Variants in LPIN1 observed in about 807,000 individuals in gnomAD.
The protein encoded by LPIN1 is phosphatidate phosphatase LPIN1.
A neutral mutation model predicts 107.5 loss-of-function variants in LPIN1; 71 were observed. The ratio of observed to expected loss-of-function variants is 0.66; its 90% confidence interval spans 0.55 to 0.80. LPIN1 has a LOEUF of 0.80. Among genes scored for constraint, LPIN1 ranks in the 30% least tolerant of loss-of-function variants. LPIN1 has a pLI of 0.00. For synonymous variants in LPIN1, 445 were observed against 452.6 expected (o/e 0.98, Z 0.21); for missense variants, 1,043 against 1,160.6 (o/e 0.90, Z 1.47).
At chr2:11,747,932 C>A (rs1667208796) in intron 1 of LPIN1, among the ~76,000 whole-genome samples, 1 of 152,212 alleles carries the variant, frequency 6.6e-6, no homozygotes, top group Non-Finnish European at 1.5e-5. Flanking sequence ...TAGCCCTGGA[C>A]TCGGGTCGGG....
At chr2:11,718,274 C>A (rs1299138385) in intron 2 of LPIN1, among the ~76,000 whole-genome samples, 1 of 152,164 alleles carries the variant, frequency 6.6e-6, no homozygotes, top group Non-Finnish European at 1.5e-5. Flanking sequence ...GTCGCCCAGG[C>A]TGGAGTGCAG....
chr2:11,751,227 C>T (rs1013056599), intron 1 of LPIN1, among the ~76,000 whole-genome samples: 1 of 152,150 alleles, frequency 6.6e-6, no homozygotes, highest in African/African-American at 2.4e-5. Context: ...ACTCATCTGA[C>T]CTTCCCTCCA....
At chr2:11,764,119 C>CAT (rs1398524726) in intron 1 of LPIN1, 1 of 144,330 alleles carries the variant, frequency 6.9e-6, no homozygotes, top group Non-Finnish European at 1.5e-5. Context: ...CACACACACA[C>CAT]AACGACTAAA....
intron 1 of LPIN1, among the ~76,000 whole-genome samples, chr2:11,686,326 G>A (rs1661999677): frequency 6.6e-6 from 1 of 152,180 alleles, no homozygotes; most frequent in African/African-American, 2.4e-5. Flanking sequence ...CCTGCCCAGC[G>A]TGGGTGGGAT....
chr2:11,726,298 G>C (rs1020831328), intron 1 of LPIN1, among the ~76,000 whole-genome samples: 1 of 152,184 alleles, frequency 6.6e-6, no homozygotes, highest in African/African-American at 2.4e-5. Context: ...TCCTTAGGCT[G>C]CCATCTGAGG....
chr2:11,808,650 G>T (rs1240011656), intron 17 of LPIN1, among the ~76,000 whole-genome samples: 1 of 152,066 alleles, frequency 6.6e-6, no homozygotes, highest in Non-Finnish European at 1.5e-5. Context: ...GAGGCAGGTG[G>T]ATCACTTGAG....
Position 11,824,682 on chromosome 2 carries a change from G to C in LPIN1, c.2672G>C (p.Arg891Thr). The change falls in exon 21 of 21, where the codon AGA becomes ACA. Residue 891 changes from arginine (R) to threonine (T), a missense_variant. By Grantham distance (71) the Arg-to-Thr change is moderately conservative. Coordinates refer to ENST00000674199, the MANE Select transcript of LPIN1 (RefSeq NM_001349206.2). ...VVDHVFPLLK[R>T]SHSSDFPCSD... is the part of the protein sequence containing the mutation. ...GACCACGTTTTCCCGTTGCTGAAAAGAAGCCATTCTTCAGACTTTCCCTGT... is the reference window on the plus strand; with the variant it reads ...GACCACGTTTTCCCGTTGCTGAAAACAAGCCATTCTTCAGACTTTCCCTGT... 1 of 1,614,096 alleles carries C rather than the reference G, an allele frequency of 6.2e-7. No homozygotes were observed. The highest frequency in any genetic ancestry group is 1.1e-5 in the South Asian group (1 of 91,080).
At chr2:11,705,602 G>A (rs1663086374) in intron 1 of LPIN1, among the ~76,000 whole-genome samples, 1 of 152,134 alleles carries the variant, frequency 6.6e-6, no homozygotes, top group Non-Finnish European at 1.5e-5. Context: ...GCGTGTCTCG[G>A]ACAGGGAGAG....
At chr2:11,778,747 C>CT (rs1237980396) in intron 6 of LPIN1, among the ~76,000 whole-genome samples, 2 of 152,296 alleles carry the variant, frequency 1.3e-5, no homozygotes, top group African/African-American at 2.4e-5. Context: ...TAATATTTCT[C>CT]TAAGTTGTTT....
intron 2 of LPIN1, among the ~76,000 whole-genome samples, chr2:11,718,515 G>A (rs1391653565): frequency 2.0e-5 from 3 of 152,174 alleles, no homozygotes; most frequent in East Asian, 3.8e-4. Context: ...ACAGGTGTGT[G>A]GAGATATACT....
chr2:11,819,714 A>T lies in LPIN1; in HGVS notation c.2517+116A>T, dbSNP rs1010542285. On this transcript the variant is annotated intron_variant, in intron 19 of 20. Coordinates refer to ENST00000674199, the MANE Select transcript of LPIN1 (RefSeq NM_001349206.2). ...AGAGTCAGATTCTCATCCCAGAAGC[A>T]GTAGCCTGGTGAAGAGCCACTTGCC... 1.7e-5 allele frequency: 14 copies of T among 833,818 alleles called. No homozygotes were observed. The African/African-American group carries it at 1.8e-4, about 11-fold the overall frequency. The allele number at this position is 833,818 out of a possible 1,614,324, so 51.7% of individuals were successfully genotyped here.
intron 1 of LPIN1, chr2:11,683,195 T>C (rs1292262633): frequency 6.6e-6 from 1 of 152,192 alleles, no homozygotes; most frequent in Non-Finnish European, 1.5e-5. Flanking sequence ...CGCCCTATTA[T>C]TGCCGTTTAA....
chr2:11,784,025 C>T, intron 9 of LPIN1, 103 bp downstream of exon 9: 4 of 1,589,216 alleles, frequency 2.5e-6, no homozygotes, highest in Non-Finnish European at 1.7e-6. Context: ...TGCAAGACAG[C>T]TGGGCGCGGT....
chr2:11,792,033 C>T (rs780648411), intron 13 of LPIN1, 27 bp downstream of exon 13: 2 of 1,593,168 alleles, frequency 1.3e-6, no homozygotes, highest in South Asian at 1.1e-5. Flanking sequence ...AAGCAGTGCT[C>T]ACACTTAGCA....
Position 11,766,031 on chromosome 2 carries a change from C to G in LPIN1, c.192+298C>G, listed in dbSNP as rs141939884. 5.4e-3 allele frequency among the ~76,000 whole-genome samples: 815 copies of G among 152,330 alleles called. 4 individuals are homozygous for G. Among genetic ancestry groups the G allele is most frequent in the Non-Finnish European group, 8.6e-3 (586 of 68,032 alleles). ...TCTCTGGGGCCTCAGCTGGAAAGCTCAAAGGCTGAGGGCTGGAATCATCTG... is the reference window on the plus strand; with the variant it reads ...TCTCTGGGGCCTCAGCTGGAAAGCTGAAAGGCTGAGGGCTGGAATCATCTG... On this transcript the variant is annotated intron_variant, in intron 2 of 20. Transcript: ENST00000674199.
upstream of LPIN1, among the ~76,000 whole-genome samples, chr2:11,719,465 G>T (rs1029763205): frequency 6.6e-6 from 1 of 152,194 alleles, no homozygotes; most frequent in African/African-American, 2.4e-5. Flanking sequence ...GAAGTCCAGG[G>T]TATAGCTTGC....
At chr2:11,753,082 G>C (rs930383431) in intron 1 of LPIN1, among the ~76,000 whole-genome samples, 2 of 152,076 alleles carry the variant, frequency 1.3e-5, no homozygotes, top group Non-Finnish European at 2.9e-5. Flanking sequence ...ACGCCCTCCT[G>C]TCCCTGGGCA....
chr2:11,750,672 TA>T, intron 1 of LPIN1, among the ~76,000 whole-genome samples: 2 of 152,352 alleles, frequency 1.3e-5, no homozygotes, highest in East Asian at 1.9e-4. Context: ...TCCCTTTTTA[TA>T]AAATAGATGC....
chr2:11,734,968 CA>C (rs1271763544), intron 1 of LPIN1, among the ~76,000 whole-genome samples: 1 of 152,100 alleles, frequency 6.6e-6, no homozygotes, highest in African/African-American at 2.4e-5. Flanking sequence ...ACAGAAGGAA[CA>C]AGGGATGCAG....
Sources: gnomAD v4.1 joint callset for allele counts (sites outside exome capture counted in the v4.1 genomes callset) on GRCh38, gnomAD v4.1.1 for gene constraint, MANE v1.5 for transcripts, NCBI Gene and HGNC (gene_info 2026-07-23, HGNC 2026-07-21) for gene names.